Variants in USP43 observed in about 807,000 individuals in gnomAD.
The protein encoded by USP43 is ubiquitin specific peptidase 43.
In USP43, 33 loss-of-function variants were observed where a neutral mutation model predicts 90.7. The ratio of observed to expected loss-of-function variants is 0.36; its 90% CI spans 0.28 to 0.49. The LOEUF (loss-of-function observed/expected upper bound fraction) is 0.49. Among genes scored for constraint, USP43 ranks in the 20% least tolerant of loss-of-function variants. USP43 has a pLI of 0.98. For missense variants in USP43, 1,274 were observed against 1,476.4 expected (o/e 0.86, Z 2.25); for synonymous variants, 598 against 615.8 (o/e 0.97, Z 0.43).
chr17:9,671,473 G>A (rs1913435223), intron 3 of USP43, among the ~76,000 whole-genome samples: 5 of 152,188 alleles, frequency 3.3e-5, no homozygotes, highest in African/African-American at 1.2e-4. Flanking sequence ...AAAGTGGACT[G>A]GGTTTGAGGT....
At chr17:9,708,601 C>G (rs987134009) in intron 12 of USP43, among the ~76,000 whole-genome samples, 4 of 152,104 alleles carry the variant, frequency 2.6e-5, no homozygotes, top group African/African-American at 9.7e-5. Flanking sequence ...GCCCACGGGC[C>G]GGATCCAATC....
chr17:9,715,791 G>A (rs1916510441), intron 14 of USP43, among the ~76,000 whole-genome samples: 1 of 151,236 alleles, frequency 6.6e-6, no homozygotes, highest in Non-Finnish European at 1.5e-5. Flanking sequence ...GTGTCTCTGT[G>A]TGTGTGTGTC....
chr17:9,665,559 T>G (rs1270366756), intron 2 of USP43, among the ~76,000 whole-genome samples: 1 of 152,080 alleles, frequency 6.6e-6, no homozygotes, highest in Non-Finnish European at 1.5e-5. Flanking sequence ...TCCAATCACC[T>G]CCCACCAGGT....
chr17:9,708,547 C>G (rs1189682037), intron 12 of USP43, among the ~76,000 whole-genome samples: 1 of 152,184 alleles, frequency 6.6e-6, no homozygotes, highest in Non-Finnish European at 1.5e-5. Flanking sequence ...AAGATGAACT[C>G]CTAGGTGGCT....
chr17:9,700,932 AG>A (rs1419315257), intron 10 of USP43, among the ~76,000 whole-genome samples, 186 bp from the exon 11 acceptor site: 3 of 152,096 alleles, frequency 2.0e-5, no homozygotes, highest in Non-Finnish European at 4.4e-5. Flanking sequence ...GGTGGGGGAG[AG>A]AGAATTCCAG....
At position 9,729,656 on chromosome 17, in the gene USP43, T is replaced by C. The variant is rs1279364513; in HGVS notation, c.*666T>C. 1 of 152,220 alleles carries C rather than the reference T, an allele frequency of 6.6e-6. No individual in the cohort carries two copies. Among genetic ancestry groups the C allele is most frequent in the African/African-American group, 2.4e-5 (1 of 41,452 alleles). The allele number at this position is 152,220 out of a possible 1,614,324, so 9.4% of individuals were successfully genotyped here. A position where few individuals can be genotyped will look rare whatever the true frequency, so the allele number is the denominator to read the frequency against. ...TTTTTTAATTTAAATATGAGATCTA[T>C]GTACAATTTTAATAAAATCCTGTCC... On this transcript the variant is annotated 3_prime_UTR_variant, in exon 15 of 15. Coordinates refer to ENST00000285199, the MANE Select transcript of USP43 (RefSeq NM_153210.5).
At chr17:9,673,040 G>A (rs898834227) in intron 3 of USP43, among the ~76,000 whole-genome samples, 1 of 152,210 alleles carries the variant, frequency 6.6e-6, no homozygotes, top group Admixed American at 6.5e-5. Flanking sequence ...ACAGTGCTAA[G>A]AGTATAGACT....
intron 1 of USP43, among the ~76,000 whole-genome samples, chr17:9,653,114 T>A (rs1042911927): frequency 2.0e-5 from 3 of 152,322 alleles, no homozygotes; most frequent in East Asian, 3.9e-4. Flanking sequence ...AAAAGTGGAA[T>A]TGCTGTTTAT....
chr17:9,650,522 C>A (rs945162146), intron 1 of USP43, among the ~76,000 whole-genome samples: 1 of 152,134 alleles, frequency 6.6e-6, no homozygotes, highest in Non-Finnish European at 1.5e-5. Context: ...CCTGCCTCAG[C>A]CTCCCAAGTA....
intron 3 of USP43, among the ~76,000 whole-genome samples, chr17:9,667,344 A>G (rs899013648): frequency 6.6e-6 from 1 of 152,154 alleles, no homozygotes; most frequent in African/African-American, 2.4e-5. Context: ...GTGAGCCGTG[A>G]TCGCACCACT....
chr17:9,724,880 C>G (rs988789346), intron 14 of USP43, among the ~76,000 whole-genome samples: 1 of 152,028 alleles, frequency 6.6e-6, no homozygotes, highest in Admixed American at 6.6e-5. Context: ...ACGATGGAAG[C>G]CCTTGAAGAG....
chr17:9,675,075 C>T (rs369848797), intron 4 of USP43, 92 bp downstream of exon 4: 1 of 1,084,832 alleles, frequency 9.2e-7, no homozygotes, highest in African/African-American at 1.5e-5. Context: ...CATTTTCTCT[C>T]CTTTGCTTCT....
intron 1 of USP43, among the ~76,000 whole-genome samples, chr17:9,646,630 C>A (rs1911423317): frequency 2.0e-5 from 3 of 152,068 alleles, no homozygotes; most frequent in Admixed American, 2.0e-4. Context: ...GCCATAGACC[C>A]GAAGGAGCTG....
intron 3 of USP43, among the ~76,000 whole-genome samples, chr17:9,667,290 G>C (rs947640240): frequency 2.6e-5 from 4 of 152,090 alleles, no homozygotes; most frequent in Non-Finnish European, 5.9e-5. Flanking sequence ...TAGGAGGATT[G>C]CTTGGACCCA....
chr17:9,656,276 T>A, intron 1 of USP43, 127 bp from the exon 2 acceptor site: 1 of 1,249,880 alleles, frequency 8.0e-7, no homozygotes, highest in Non-Finnish European at 1.1e-6. Context: ...CTACCCCGGC[T>A]GTTTGTGTGC....
intron 2 of USP43, among the ~76,000 whole-genome samples, chr17:9,658,620 G>A (rs1912426887): frequency 6.6e-6 from 1 of 152,176 alleles, no homozygotes; most frequent in Non-Finnish European, 1.5e-5. Context: ...GTTTCTCTGG[G>A]TTTTGAGATT....
At chr17:9,720,487 A>G (rs1278133269) in intron 14 of USP43, among the ~76,000 whole-genome samples, 1 of 149,632 alleles carries the variant, frequency 6.7e-6, no homozygotes, top group Non-Finnish European at 1.5e-5. Context: ...TATGTAGGAG[A>G]GGGTGTTTTT....
At chr17:9,707,696 AT>A (rs1022959246) in intron 12 of USP43, among the ~76,000 whole-genome samples, 10 of 149,576 alleles carry the variant, frequency 6.7e-5, no homozygotes, top group Admixed American at 1.3e-4. Context: ...TTTATTAAAC[AT>A]TTTTTTTTAA....
chr17:9,667,656 A>G (rs1419675907), intron 3 of USP43, among the ~76,000 whole-genome samples: 1 of 152,180 alleles, frequency 6.6e-6, no homozygotes, highest in Non-Finnish European at 1.5e-5. Flanking sequence ...ATGGGTAGGA[A>G]GATAGTCAAC....
Sources: allele counts gnomAD v4.1 joint callset (sites outside exome capture counted in the v4.1 genomes callset), GRCh38; gene constraint gnomAD v4.1.1; transcripts MANE v1.5; gene names NCBI Gene and HGNC (gene_info 2026-07-23, HGNC 2026-07-21).